Variants in ARHGEF33 observed in about 807,000 individuals in gnomAD.
ARHGEF33 encodes the protein Rho guanine nucleotide exchange factor 33.
A neutral mutation model predicts 101.9 loss-of-function variants in ARHGEF33; 72 were observed. The ratio of observed to expected loss-of-function variants is 0.71; its 90% CI spans 0.58 to 0.86. The LOEUF is 0.86. ARHGEF33 is among the 40% of genes least tolerant of loss of function. ARHGEF33 has a pLI of 0.00. For synonymous variants in ARHGEF33, 499 were observed against 442.5 expected (o/e 1.13, Z -1.60); for missense variants, 1,169 against 1,111.3 (o/e 1.05, Z -0.74).
In ARHGEF33 at chr2:38,973,932, CTATATATA is replaced by C; in HGVS notation, c.*99_*106del. 3.1e-6 allele frequency: 2 copies of C among 635,876 alleles called. No homozygotes were observed. Among genetic ancestry groups the C allele is most frequent in the Non-Finnish European group, 4.2e-6 (2 of 481,208 alleles). 39.4% of individuals were successfully genotyped at this position (635,876 alleles called of 1,614,324 possible). A position where few individuals can be genotyped will look rare whatever the true frequency, so the allele number is the denominator to read the frequency against. ...TAGGAATATATATATATATCTATAT[CTATATATA>C]TATATATATCGATGTATAAATCCCT... is the stretch of plus-strand genomic sequence containing the variant. On this transcript the variant is annotated 3_prime_UTR_variant, in exon 18 of 18. Transcript: ENST00000409978.
intron 2 of ARHGEF33, among the ~76,000 whole-genome samples, chr2:38,909,659 T>C (rs1213472251): frequency 6.6e-6 from 1 of 151,644 alleles, no homozygotes; most frequent in Admixed American, 6.6e-5. Flanking sequence ...TTTTAATTCT[T>C]TAATTTATTA....
Position 38,960,088 on chromosome 2 carries a change from C to A in ARHGEF33, c.1783C>A (p.Leu595Met), listed in dbSNP as rs1247645528. 34 of 1,542,280 alleles carry A rather than the reference C, an allele frequency of 2.2e-5. No homozygotes were observed. Among genetic ancestry groups the A allele is most frequent in the Non-Finnish European group, 3.0e-5 (34 of 1,144,636 alleles). ...GCCGCTGGGCAACGTGGAGCGCTCC[C>A]TGCGCGCCCCGGCCGAGCTCCTGCC... The part of the protein sequence containing the change: ...AEPLGNVERS[L>M]RAPAELLPDA... The change falls in exon 16 of 18, where the codon CTG (leucine) becomes ATG (methionine). Residue 595 changes from leucine (L) to methionine (M), a missense_variant. Physicochemically the swap from Leu to Met is conservative, Grantham distance 15 (BLOSUM62 2). Transcript: ENST00000409978.
chr2:38,947,952 A>G (rs1011182797), intron 10 of ARHGEF33, among the ~76,000 whole-genome samples: 1 of 152,156 alleles, frequency 6.6e-6, no homozygotes, highest in African/African-American at 2.4e-5. Flanking sequence ...ATTAACCTCA[A>G]ACTATAACTG....
At chr2:38,967,964 T>A (rs868320742) in intron 17 of ARHGEF33, among the ~76,000 whole-genome samples, 32 of 139,574 alleles carry the variant, frequency 2.3e-4, no homozygotes, top group Non-Finnish European at 4.2e-4. Context: ...TTTTTTTTTT[T>A]AAACCACAGT....
At position 38,960,660 on chromosome 2, in the gene ARHGEF33, C is replaced by T; in HGVS notation, c.2343+12C>T. The stretch of plus-strand genomic sequence containing the variant: ...TGGAAGTAAGGAGGGTAAAGTAAAA[C>T]CGAACCGAAACCCACAGCGTCGACG... On this transcript the variant is annotated intron_variant, in intron 16 of 17. Transcript: ENST00000409978. 1 of 1,399,908 alleles carries T rather than the reference C, an allele frequency of 7.1e-7. No homozygotes were observed. The highest frequency in any genetic ancestry group is 2.6e-5 in the Admixed American group (1 of 38,854). 86.7% of individuals were successfully genotyped at this position (1,399,908 alleles called of 1,614,324 possible).
intron 7 of ARHGEF33, among the ~76,000 whole-genome samples, chr2:38,933,346 G>A (rs1225899453): frequency 2.0e-5 from 3 of 151,946 alleles, no homozygotes; most frequent in African/African-American, 7.2e-5. Flanking sequence ...CTAAAAGAAC[G>A]CTCAATACAG....
At chr2:38,922,822 G>A (rs1158319151) in intron 4 of ARHGEF33, among the ~76,000 whole-genome samples, 2 of 152,158 alleles carry the variant, frequency 1.3e-5, no homozygotes, top group East Asian at 3.8e-4. Flanking sequence ...TTTGAGCTAG[G>A]TACTTAAGGA....
chr2:38,949,001 G>T (rs1667522677), intron 10 of ARHGEF33, among the ~76,000 whole-genome samples: 1 of 152,154 alleles, frequency 6.6e-6, no homozygotes, highest in Non-Finnish European at 1.5e-5. Context: ...GGGGATCCAG[G>T]CACAGGAGGT....
Position 38,960,396 on chromosome 2 carries a change from G to A in ARHGEF33, c.2091G>A (p.Gln697=), listed in dbSNP as rs1169478622. Residue 697 remains glutamine (Q), a synonymous_variant, in exon 16 of 18, where the codon CAG becomes CAA. Transcript: ENST00000409978. The part of the protein sequence containing the change: ...SSAYKLEAAA[Q]AHGKAKPLSR... ...CCTACAAACTGGAGGCGGCGGCGCA[G>A]GCGCACGGCAAGGCCAAGCCGCTGA... The A allele has an allele frequency of 2.0e-6, 3 of 1,510,326 alleles. No individual in the cohort carries two copies. Among genetic ancestry groups the A allele is most frequent in the African/African-American group, 1.4e-5 (1 of 71,446 alleles). The allele number at this position is 1,510,326 out of a possible 1,614,324, so 93.6% of individuals were successfully genotyped here.
At chr2:38,931,593 G>A (rs564780603) in intron 7 of ARHGEF33, among the ~76,000 whole-genome samples, 34 of 152,182 alleles carry the variant, frequency 2.2e-4, no homozygotes, top group African/African-American at 7.7e-4. Context: ...TCATTTTATT[G>A]GCAGTCTAAC....
chr2:38,910,184 AGTT>A (rs766111263), intron 2 of ARHGEF33, among the ~76,000 whole-genome samples: 12 of 152,176 alleles, frequency 7.9e-5, no homozygotes, highest in Non-Finnish European at 1.5e-4. Context: ...TTCTGCAGAT[AGTT>A]GTTCTGGATA....
At chr2:38,931,871 A>G (rs1667011756) in intron 7 of ARHGEF33, among the ~76,000 whole-genome samples, 1 of 152,240 alleles carries the variant, frequency 6.6e-6, no homozygotes, top group South Asian at 2.1e-4. Flanking sequence ...GTAGATATTA[A>G]CGTTGTTTAG....
intron 6 of ARHGEF33, among the ~76,000 whole-genome samples, chr2:38,930,715 G>A (rs1209025184): frequency 1.3e-5 from 2 of 152,168 alleles, no homozygotes; most frequent in Non-Finnish European, 2.9e-5. Flanking sequence ...TGACCCTGGA[G>A]AACAGGTTGT....
At chr2:38,918,689 A>G (rs1253708921) in intron 2 of ARHGEF33, among the ~76,000 whole-genome samples, 1 of 152,222 alleles carries the variant, frequency 6.6e-6, no homozygotes, top group African/African-American at 2.4e-5. Context: ...CATACTATTT[A>G]ATGGAATAGA....
intron 3 of ARHGEF33, among the ~76,000 whole-genome samples, chr2:38,920,654 C>CG (rs1666736494): frequency 6.6e-6 from 1 of 152,032 alleles, no homozygotes; most frequent in Non-Finnish European, 1.5e-5. Context: ...GTGATCCTCC[C>CG]GCCTTGGCCT....
chr2:38,907,317 G>A (rs549444700), intron 2 of ARHGEF33, among the ~76,000 whole-genome samples: 2 of 152,176 alleles, frequency 1.3e-5, no homozygotes, highest in Non-Finnish European at 2.9e-5. Flanking sequence ...TGTTCACTGG[G>A]CAGTAGTGGG....
intron 9 of ARHGEF33, among the ~76,000 whole-genome samples, chr2:38,942,411 C>T (rs955963728): frequency 1.3e-5 from 2 of 151,082 alleles, no homozygotes; most frequent in Non-Finnish European, 2.9e-5. Context: ...CTGCCCACCT[C>T]GACCTCCCAA....
At chr2:38,914,886 A>G (rs1201107322) in intron 2 of ARHGEF33, among the ~76,000 whole-genome samples, 1 of 152,098 alleles carries the variant, frequency 6.6e-6, no homozygotes, top group Non-Finnish European at 1.5e-5. Flanking sequence ...ATTGGGGAGG[A>G]ACACTTTTAC....
At position 38,960,253 on chromosome 2, in the gene ARHGEF33, T is replaced by G; in HGVS notation, c.1948T>G (p.Ser650Ala). 1 of 1,548,014 alleles carries G rather than the reference T, an allele frequency of 6.5e-7. No homozygotes were observed. Among genetic ancestry groups the G allele is most frequent in the Non-Finnish European group, 8.7e-7 (1 of 1,146,172 alleles). The change falls in exon 16 of 18, where the codon TCC becomes GCC. Residue 650 changes from serine (S) to alanine (A), a missense_variant. By Grantham distance (99) the Ser-to-Ala change is moderately conservative. Transcript: ENST00000409978. ...FENCSPASSE[S>A]SLDICFLRPV... Reference sequence around the variant, plus strand: ...GAACTGCTCGCCTGCCTCCTCCGAGTCCAGCCTGGACATCTGCTTCCTGCG... The same window carrying G: ...GAACTGCTCGCCTGCCTCCTCCGAGGCCAGCCTGGACATCTGCTTCCTGCG...
Sources: allele counts gnomAD v4.1 joint callset (sites outside exome capture counted in the v4.1 genomes callset), GRCh38; gene constraint gnomAD v4.1.1; transcripts MANE v1.5; gene names NCBI Gene and HGNC (gene_info 2026-07-23, HGNC 2026-07-21).